CDKAL1: variants seen among roughly 807,000 people sequenced by gnomAD.
The protein encoded by CDKAL1 is CDKAL1 threonylcarbamoyladenosine tRNA methylthiotransferase.
Under a neutral mutation model 68.2 loss-of-function variants are expected in CDKAL1, and 32 were observed. The ratio of observed to expected loss-of-function variants is 0.47; its 90% CI spans 0.35 to 0.63. CDKAL1 has a LOEUF of 0.63. Ranked by LOEUF, CDKAL1 falls within the 30% of genes least tolerant of loss-of-function variation. The pLI, the probability that CDKAL1 is intolerant of heterozygous loss-of-function variation, is 0.00. For missense variants in CDKAL1, 606 were observed against 696.7 expected (o/e 0.87, Z 1.47); for synonymous variants, 234 against 244.3 (o/e 0.96, Z 0.39).
chr6:20,573,301 A>G (rs1764778842), intron 4 of CDKAL1, among the ~76,000 whole-genome samples: 1 of 152,164 alleles, frequency 6.6e-6, no homozygotes, highest in African/African-American at 2.4e-5. Context: ...TAATGAGAAT[A>G]GTAGGTGATT....
At chr6:20,745,625 A>G (rs919793958) in intron 6 of CDKAL1, among the ~76,000 whole-genome samples, 4 of 152,186 alleles carry the variant, frequency 2.6e-5, no homozygotes, top group African/African-American at 9.7e-5. Context: ...AATGTAGTAT[A>G]TCATAGTGAT....
At chr6:21,202,278 C>T (rs1452750450) in intron 15 of CDKAL1, among the ~76,000 whole-genome samples, 1 of 152,140 alleles carries the variant, frequency 6.6e-6, no homozygotes, top group African/African-American at 2.4e-5. Context: ...GGCCGTCTAA[C>T]CCGTACTGGA....
chr6:21,051,973 A>G (rs1167468308), intron 11 of CDKAL1, among the ~76,000 whole-genome samples: 1 of 152,246 alleles, frequency 6.6e-6, no homozygotes, highest in African/African-American at 2.4e-5. Flanking sequence ...CCAGACAGTC[A>G]TATTAAAAGA....
At chr6:21,230,811 C>T in intron 15 of CDKAL1, 37 bp from the exon 16 acceptor site, 2 of 1,511,516 alleles carry the variant, frequency 1.3e-6, no homozygotes, top group South Asian at 2.6e-5. Flanking sequence ...TTCTCTGCAT[C>T]TAAAAATAAT....
Position 20,961,964 on chromosome 6 carries a change from A to T in CDKAL1, c.909+6379A>T, listed in dbSNP as rs143036118. On this transcript the variant is annotated intron_variant, in intron 10 of 15. Transcript: ENST00000274695. ...TTATTCTGGTCCTCCCTCTGTCATGAATAGTTCAAAGTAACTTATCTCCCT... is the reference window on the plus strand; with the variant it reads ...TTATTCTGGTCCTCCCTCTGTCATGTATAGTTCAAAGTAACTTATCTCCCT... Among the ~76,000 whole-genome samples the T allele has an allele frequency of 5.5e-3, 831 of 152,298 alleles. 4 individuals carry two copies. The highest frequency in any genetic ancestry group is 0.019 in the African/African-American group (780 of 41,564).
chr6:20,639,659 A>G (rs1187830797), intron 4 of CDKAL1, among the ~76,000 whole-genome samples: 1 of 152,088 alleles, frequency 6.6e-6, no homozygotes, highest in Non-Finnish European at 1.5e-5. Context: ...TATTGACCAG[A>G]ATTTTTATTT....
chr6:21,062,374 G>C (rs369651211), intron 11 of CDKAL1, among the ~76,000 whole-genome samples: 2 of 152,264 alleles, frequency 1.3e-5, no homozygotes, highest in African/African-American at 4.8e-5. Context: ...TATAAAACTA[G>C]CTAGCTGGAA....
chr6:20,580,078 G>C (rs929826528), intron 4 of CDKAL1, among the ~76,000 whole-genome samples: 1 of 152,186 alleles, frequency 6.6e-6, no homozygotes, highest in Non-Finnish European at 1.5e-5. Flanking sequence ...CTGGGAGTGA[G>C]AGACCATAGG....
chr6:20,787,235 T>C (rs1228725389), intron 8 of CDKAL1, among the ~76,000 whole-genome samples: 1 of 152,184 alleles, frequency 6.6e-6, no homozygotes, highest in African/African-American at 2.4e-5. Context: ...TTCTTTGAGC[T>C]TATATTCTTG....
At chr6:20,609,558 G>A (rs1766522840) in intron 4 of CDKAL1, among the ~76,000 whole-genome samples, 1 of 151,666 alleles carries the variant, frequency 6.6e-6, no homozygotes. Flanking sequence ...ACCACGCCCA[G>A]CTAATTTTTG....
At chr6:20,862,081 C>T (rs1759661198) in intron 9 of CDKAL1, among the ~76,000 whole-genome samples, 1 of 152,104 alleles carries the variant, frequency 6.6e-6, no homozygotes, top group Non-Finnish European at 1.5e-5. Flanking sequence ...ACATTTAACT[C>T]ATAAGATTAG....
intron 13 of CDKAL1, among the ~76,000 whole-genome samples, chr6:21,171,584 C>T (rs1196765970): frequency 6.6e-6 from 1 of 152,154 alleles, no homozygotes; most frequent in Non-Finnish European, 1.5e-5. Context: ...TCTGTAATGG[C>T]TACATAATAC....
At chr6:21,006,606 A>G (rs770299204) in intron 11 of CDKAL1, among the ~76,000 whole-genome samples, 4 of 152,220 alleles carry the variant, frequency 2.6e-5, no homozygotes, top group Admixed American at 6.5e-5. Context: ...GAATACATAT[A>G]TATCATTGGA....
intron 11 of CDKAL1, among the ~76,000 whole-genome samples, chr6:21,042,777 C>A (rs982496556): frequency 1.3e-5 from 2 of 152,150 alleles, no homozygotes; most frequent in African/African-American, 4.8e-5. Flanking sequence ...CCACAAAAGC[C>A]TTTGATAGCT....
intron 13 of CDKAL1, among the ~76,000 whole-genome samples, chr6:21,123,413 A>C (rs1774827481): frequency 6.6e-6 from 1 of 152,170 alleles, no homozygotes; most frequent in Admixed American, 6.5e-5. Context: ...CCAAGAACGC[A>C]GCACTGCACT....
intron 9 of CDKAL1, among the ~76,000 whole-genome samples, chr6:20,891,796 A>C (rs987698505): frequency 1.3e-5 from 2 of 151,866 alleles, no homozygotes; most frequent in African/African-American, 4.8e-5. Context: ...GCCTCCCAAA[A>C]TGCTGGGATT....
At chr6:20,816,129 CCG>C (rs781256256) in intron 8 of CDKAL1, among the ~76,000 whole-genome samples, 5 of 144,464 alleles carry the variant, frequency 3.5e-5, no homozygotes, top group Admixed American at 1.4e-4. Context: ...GTCCCCCCCC[CCG>C]CCTTTTTTTT....
intron 12 of CDKAL1, among the ~76,000 whole-genome samples, chr6:21,069,148 A>G (rs1044101348): frequency 5.9e-5 from 9 of 152,152 alleles, no homozygotes; most frequent in African/African-American, 2.2e-4. Flanking sequence ...TCCAATTCTC[A>G]TGACTTTTAT....
intron 11 of CDKAL1, among the ~76,000 whole-genome samples, chr6:21,003,371 T>TACACACAC (rs55839331): frequency 1.0e-4 from 5 of 49,302 alleles, no homozygotes; most frequent in East Asian, 1.7e-3. Flanking sequence ...TATATATATA[T>TACACACAC]ACACACACAC....
Sources: allele counts gnomAD v4.1 joint callset (sites outside exome capture counted in the v4.1 genomes callset), GRCh38; gene constraint gnomAD v4.1.1; transcripts MANE v1.5; gene names NCBI Gene and HGNC (gene_info 2026-07-23, HGNC 2026-07-21).